DACH2: variants seen among roughly 807,000 people sequenced by gnomAD.
DACH2 encodes dachshund homolog 2.
A neutral mutation model predicts 35.8 loss-of-function variants in DACH2; 17 were observed. That is an observed-to-expected ratio of 0.48 (90% CI 0.33 to 0.71). DACH2 has a LOEUF of 0.71. Ranked by LOEUF, DACH2 falls within the 30% of genes least tolerant of loss-of-function variation. The probability of loss-of-function intolerance (pLI) is 0.02; values close to 1 mark genes in which losing one functional copy is unlikely to be tolerated. For missense variants in DACH2, 469 were observed against 472.7 expected, an observed-to-expected ratio of 0.99 and a Z score of 0.07; for synonymous variants, 195 against 177.3, an observed-to-expected ratio of 1.10 and a Z score of -0.79.
chrX:86,195,989 G>T (rs2031971863), intron 1 of DACH2, among the ~76,000 whole-genome samples: 1 of 112,180 alleles, frequency 8.9e-6, no homozygotes, highest in Non-Finnish European at 1.9e-5. Flanking sequence ...AGATGAGAAA[G>T]AACCTTTGCT....
At chrX:86,538,853 G>A (rs1032747830) in intron 3 of DACH2, among the ~76,000 whole-genome samples, 3 of 111,424 alleles carry the variant, frequency 2.7e-5, no homozygotes, top group African/African-American at 9.8e-5. Context: ...AGAGTTATGA[G>A]ATAATTTTAT....
intron 1 of DACH2, among the ~76,000 whole-genome samples, chrX:86,349,305 G>A (rs2035551135): frequency 9.0e-6 from 1 of 111,127 alleles, no homozygotes; most frequent in Admixed American, 9.5e-5. Context: ...CCGGTTGATG[G>A]CCTGCTGGTG....
chrX:86,776,733 C>A (rs2042036498), intron 7 of DACH2, among the ~76,000 whole-genome samples: 1 of 110,862 alleles, frequency 9.0e-6, no homozygotes, highest in South Asian at 3.9e-4. Flanking sequence ...GCTATCCCTC[C>A]CCCATCCCTC....
chrX:86,317,813 G>T (rs1218126872), intron 1 of DACH2, among the ~76,000 whole-genome samples: 4 of 110,983 alleles, frequency 3.6e-5, no homozygotes, highest in African/African-American at 6.6e-5. Context: ...TTTTCTTGAG[G>T]TTCCAAGAGC....
intron 2 of DACH2, among the ~76,000 whole-genome samples, chrX:86,381,647 T>C (rs1327681639): frequency 9.0e-6 from 1 of 111,121 alleles, no homozygotes; most frequent in African/African-American, 3.3e-5. Context: ...AAATAGTATA[T>C]GCTTTGATCT....
intron 2 of DACH2, among the ~76,000 whole-genome samples, chrX:86,476,135 T>A (rs2037839675): frequency 8.9e-6 from 1 of 111,938 alleles, no homozygotes; most frequent in Admixed American, 9.5e-5. Context: ...GCCTGTAGTT[T>A]TCTTTTTTTG....
At chrX:86,592,695 C>T (rs758837820) in intron 3 of DACH2, among the ~76,000 whole-genome samples, 13 of 111,809 alleles carry the variant, frequency 1.2e-4, no homozygotes, top group South Asian at 7.4e-4. Flanking sequence ...ACATGGATTT[C>T]TGTTATTAGA....
At chrX:86,291,674 T>G (rs1368905448) in intron 1 of DACH2, among the ~76,000 whole-genome samples, 2 of 105,217 alleles carry the variant, frequency 1.9e-5, no homozygotes, top group Non-Finnish European at 3.9e-5. Flanking sequence ...CTGCATCTAT[T>G]GAGATAATCA....
At chrX:86,748,234 G>T (rs191277612) in intron 7 of DACH2, among the ~76,000 whole-genome samples, 71 of 112,055 alleles carry the variant, frequency 6.3e-4, no homozygotes, top group African/African-American at 2.1e-3. Flanking sequence ...TTGGCATTTT[G>T]ACCTCTTTCC....
At chrX:86,668,670 T>C (rs1367609216) in intron 4 of DACH2, among the ~76,000 whole-genome samples, 1 of 111,926 alleles carries the variant, frequency 8.9e-6, no homozygotes, top group Non-Finnish European at 1.9e-5. Context: ...ATTTTTCATT[T>C]TATTGACAAG....
chrX:86,709,933 G>T (rs1375400644), intron 5 of DACH2, among the ~76,000 whole-genome samples: 3 of 111,990 alleles, frequency 2.7e-5, no homozygotes, highest in Non-Finnish European at 3.8e-5. Context: ...TTTCAGTTTG[G>T]TTTTAATGGA....
chrX:86,397,757 A>G (rs143226286), intron 2 of DACH2, among the ~76,000 whole-genome samples: 9,927 of 111,386 alleles, frequency 0.089, 1,121 homozygotes, highest in African/African-American at 0.31. Flanking sequence ...GATCATGGTG[A>G]ATAAGCTTTT....
chrX:86,167,420 A>G (rs2030978859), intron 1 of DACH2, among the ~76,000 whole-genome samples: 1 of 108,834 alleles, frequency 9.2e-6, no homozygotes, highest in Admixed American at 9.7e-5. Flanking sequence ...TTTCATTGCT[A>G]ATTGTATTTA....
chrX:86,723,923 A>G (rs920513095), intron 6 of DACH2, among the ~76,000 whole-genome samples: 2 of 110,797 alleles, frequency 1.8e-5, no homozygotes, highest in African/African-American at 6.6e-5. Context: ...GTTGTATCTG[A>G]TATAAATATA....
At chrX:86,818,708 T>C (rs2042476877) in intron 11 of DACH2, among the ~76,000 whole-genome samples, 1 of 110,528 alleles carries the variant, frequency 9.0e-6, no homozygotes, top group South Asian at 3.8e-4. Flanking sequence ...ATTTCCAAAA[T>C]TCATCTCCAT....
At chrX:86,669,440 A>G (rs1396497846) in intron 4 of DACH2, among the ~76,000 whole-genome samples, 2 of 111,427 alleles carry the variant, frequency 1.8e-5, no homozygotes, top group Non-Finnish European at 1.9e-5. Flanking sequence ...ATTTATTTGG[A>G]GGCTCACATT....
At chrX:86,460,929 G>A (rs939333976) in intron 2 of DACH2, among the ~76,000 whole-genome samples, 3 of 111,385 alleles carry the variant, frequency 2.7e-5, no homozygotes, top group Admixed American at 9.6e-5. Flanking sequence ...TAACATAATT[G>A]TAACGTGGCC....
At chrX:86,315,624 C>T (rs961639962) in intron 1 of DACH2, among the ~76,000 whole-genome samples, 2 of 111,465 alleles carry the variant, frequency 1.8e-5, no homozygotes, top group African/African-American at 6.5e-5. Context: ...AGGAGGTCAA[C>T]ATCAATAGGA....
At chrX:86,613,085 T>C (rs2039964632) in intron 3 of DACH2, among the ~76,000 whole-genome samples, 1 of 112,330 alleles carries the variant, frequency 8.9e-6, no homozygotes, top group Non-Finnish European at 1.9e-5. Context: ...CATGAATAAA[T>C]AGCAGCTTAT....
Sources: gnomAD v4.1 joint callset for allele counts (sites outside exome capture counted in the v4.1 genomes callset) on GRCh38, gnomAD v4.1.1 for gene constraint, MANE v1.5 for transcripts, NCBI Gene and HGNC (gene_info 2026-07-23, HGNC 2026-07-21) for gene names.